Variants in MARCHF10 observed in about 807,000 individuals in gnomAD.
MARCHF10 encodes membrane associated ring-CH-type finger 10.
A neutral mutation model predicts 76.2 loss-of-function variants in MARCHF10; 64 were observed. The observed-to-expected ratio is 0.84, with a 90% confidence interval of 0.69 to 1.03. The LOEUF (loss-of-function observed/expected upper bound fraction) is 1.03. MARCHF10 is among the 50% of genes least tolerant of loss of function. The pLI is 0.00. For missense variants in MARCHF10, 875 were observed against 958.0 expected (o/e 0.91, Z 1.14); for synonymous variants, 340 against 357.5 (o/e 0.95, Z 0.55).
At chr17:62,779,541 C>T (rs1394566353) in intron 3 of MARCHF10, among the ~76,000 whole-genome samples, 2 of 152,152 alleles carry the variant, frequency 1.3e-5, no homozygotes, top group African/African-American at 4.8e-5. Flanking sequence ...TGCAGATATA[C>T]CCAGGTCATA....
At chr17:62,730,917 G>GACA (rs1158452579) in intron 6 of MARCHF10, among the ~76,000 whole-genome samples, 4 of 127,898 alleles carry the variant, frequency 3.1e-5, no homozygotes, top group Admixed American at 7.8e-5. Context: ...CAACAACAAC[G>GACA]ACAACAACAA....
chr17:62,717,756 TTGC>T (rs1243314485), intron 8 of MARCHF10, among the ~76,000 whole-genome samples: 7 of 152,244 alleles, frequency 4.6e-5, no homozygotes, highest in African/African-American at 1.4e-4. Context: ...TCCTCGTTCC[TTGC>T]TGCTTTCTTT....
chr17:62,797,238 C>A lies in MARCHF10; in HGVS notation c.90+4408G>T, dbSNP rs538427938. The stretch of plus-strand genomic sequence containing the variant: ...TTTTTTTTTGAGACCGAGTTTCACT[C>A]TTGTTGCCCAGGCTGGAGTAGAGTG... On this transcript the variant is annotated intron_variant, in intron 2 of 10. Transcript: ENST00000311269. Among the ~76,000 whole-genome samples, 12 of 152,216 alleles carry A rather than the reference C, an allele frequency of 7.9e-5. No individual in the cohort carries two copies. In the South Asian group the frequency reaches 2.5e-3, roughly 32 times the overall value.
chr17:62,722,457 C>A (rs1388319201), intron 8 of MARCHF10, 31 bp downstream of exon 8: 1 of 1,505,976 alleles, frequency 6.6e-7, no homozygotes, highest in Admixed American at 1.7e-5. Context: ...CATACTTTAA[C>A]CTGTGGAGGC....
Position 62,711,099 on chromosome 17 carries a change from T to C in MARCHF10, c.2328+132A>G, listed in dbSNP as rs2089908494. 1 of 697,156 alleles carries C rather than the reference T, an allele frequency of 1.4e-6. No homozygotes were observed. The highest frequency in any genetic ancestry group is 2.5e-6 in the Non-Finnish European group (1 of 398,192). The allele number at this position is 697,156 out of a possible 1,614,324, so 43.2% of individuals were successfully genotyped here. On this transcript the variant is annotated intron_variant, in intron 9 of 10. Transcript: ENST00000311269. The surrounding 1 kb of genome is among the most constrained non-coding windows in gnomAD (Gnocchi z 4.4). ...TGTACACTTAGCAGCTGCTAAATCT[T>C]AGTCCTAACAATGATAGTCCCATAT...
intron 10 of MARCHF10, 179 bp downstream of exon 10, chr17:62,705,360 A>G: frequency 6.6e-7 from 1 of 1,518,220 alleles, no homozygotes; most frequent in Non-Finnish European, 8.8e-7. Flanking sequence ...CATCCAGTGA[A>G]CTTGGCCTCG....
chr17:62,801,705 A>ACTT lies in MARCHF10; in HGVS notation c.28_30dup (p.Lys10dup). 2.5e-6 allele frequency: 4 copies of ACTT among 1,614,156 alleles called. No individual in the cohort carries two copies. Among genetic ancestry groups the ACTT allele is most frequent in the Non-Finnish European group, 3.4e-6 (4 of 1,180,012 alleles). On this transcript the variant is annotated inframe_insertion, in exon 2 of 11. Transcript: ENST00000311269. Reference sequence around the variant, plus strand: ...CGCAGATACTGAACATCGCTGAAGAACTTCTGCCTGTCCCTTGCGTCATGC... The same window carrying ACTT: ...CGCAGATACTGAACATCGCTGAAGAACTTCTTCTGCCTGTCCCTTGCGTCATGC...
intron 2 of MARCHF10, among the ~76,000 whole-genome samples, chr17:62,793,179 TACCACCACCACCTCCATCACC>T (rs1568219378): frequency 6.0e-5 from 2 of 33,188 alleles, no homozygotes; most frequent in Admixed American, 5.6e-4. Flanking sequence ...CCTCCATCAC[TACCACCACCACCTCCATCACC>T]ACCACCACCA....
rs919887015 is a variant in MARCHF10 at position 62,788,802 on chromosome 17, G to A, written c.91-203C>T. On this transcript the variant is annotated intron_variant, in intron 2 of 10. Coordinates refer to ENST00000311269, the MANE Select transcript of MARCHF10 (RefSeq NM_152598.4). ...GGTCAGGCCGGGCGCGGTGGCTCAC[G>A]CCTGTAATCCCAGCACTTTGGGAGG... Among the ~76,000 whole-genome samples, 9 of 151,704 alleles carry A rather than the reference G, an allele frequency of 5.9e-5. No homozygotes were observed. The South Asian group carries it at 6.3e-4, about 11-fold the overall frequency.
chr17:62,745,725 C>A (rs967640640), intron 4 of MARCHF10, among the ~76,000 whole-genome samples: 4 of 152,156 alleles, frequency 2.6e-5, no homozygotes, highest in Non-Finnish European at 5.9e-5. Context: ...TTCCAATGAA[C>A]ATTATCTTTT....
chr17:62,722,407 G>C (rs2090536618), intron 8 of MARCHF10, 81 bp downstream of exon 8: 1 of 950,152 alleles, frequency 1.1e-6, no homozygotes, highest in South Asian at 1.5e-5. Flanking sequence ...ACATTTCTTA[G>C]ATCAGGGAAG....
intron 4 of MARCHF10, among the ~76,000 whole-genome samples, chr17:62,747,807 T>C (rs969226233): frequency 6.6e-6 from 1 of 152,152 alleles, no homozygotes; most frequent in Non-Finnish European, 1.5e-5. Context: ...CCCTCAATCC[T>C]TCTTTTATAA....
intron 3 of MARCHF10, among the ~76,000 whole-genome samples, chr17:62,774,167 C>A (rs996783734): frequency 2.0e-5 from 3 of 152,132 alleles, no homozygotes; most frequent in Non-Finnish European, 4.4e-5. Context: ...CTGTGATGAT[C>A]CAGCGATTTT....
intron 10 of MARCHF10, chr17:62,704,927 A>C: frequency 3.1e-6 from 3 of 983,236 alleles, no homozygotes; most frequent in Non-Finnish European, 3.6e-6. Context: ...TGCTTTATTA[A>C]GCACGTTTTT....
chr17:62,732,764 G>C (rs1388199762), intron 6 of MARCHF10, among the ~76,000 whole-genome samples: 2 of 152,022 alleles, frequency 1.3e-5, no homozygotes, highest in Non-Finnish European at 2.9e-5. Flanking sequence ...GGGATGAGGC[G>C]GGCTGATTGT....
Position 62,737,255 on chromosome 17 carries a change from G to A in MARCHF10, c.613C>T (p.Pro205Ser). The change falls in exon 6 of 11, where the codon CCA (proline) becomes TCA (serine). Residue 205 changes from proline to serine, a missense_variant. Pro to Ser is a moderately conservative substitution (Grantham distance 74). Coordinates refer to ENST00000311269, the MANE Select transcript of MARCHF10 (RefSeq NM_152598.4). ...RPNQERRNLV[P>S]SSQPMTENAP... ...TTCTCAGTCATTGGCTGTGACGATG[G>A]GACCAAGTTTCTTCTCTCTTGATTT... 6.2e-7 allele frequency: 1 copy of A among 1,613,724 alleles called. No homozygotes were observed. Among genetic ancestry groups the A allele is most frequent in the Non-Finnish European group, 8.5e-7 (1 of 1,179,968 alleles).
intron 3 of MARCHF10, among the ~76,000 whole-genome samples, chr17:62,784,340 C>G (rs548719382): frequency 1.3e-5 from 2 of 152,286 alleles, no homozygotes; most frequent in African/African-American, 2.4e-5. Context: ...ATGCTAAAAA[C>G]TCTCAGTAAA....
intron 6 of MARCHF10, among the ~76,000 whole-genome samples, chr17:62,728,427 G>A (rs934971724): frequency 1.3e-5 from 2 of 152,112 alleles, no homozygotes; most frequent in Admixed American, 1.3e-4. Flanking sequence ...ACAATTGCCG[G>A]GGACAGCGTG....
chr17:62,724,175 A>C (rs2090636223), intron 7 of MARCHF10, among the ~76,000 whole-genome samples: 1 of 145,092 alleles, frequency 6.9e-6, no homozygotes, highest in Non-Finnish European at 1.5e-5. Flanking sequence ...CTTTGCACTG[A>C]TGTTCCATGC....
Sources: allele counts gnomAD v4.1 joint callset (sites outside exome capture counted in the v4.1 genomes callset), GRCh38; gene constraint gnomAD v4.1.1; non-coding constraint Gnocchi (gnomAD v3.1); transcripts MANE v1.5; gene names NCBI Gene and HGNC (gene_info 2026-07-23, HGNC 2026-07-21).